RIMBP2: variants seen among roughly 807,000 people sequenced by gnomAD.
RIMBP2 encodes RIMS-binding protein 2.
A neutral mutation model predicts 118.6 loss-of-function variants in RIMBP2; 48 were observed. The ratio of observed to expected loss-of-function variants is 0.40; its 90% CI spans 0.32 to 0.51. RIMBP2 has a LOEUF of 0.51. Ranked by LOEUF, RIMBP2 falls within the 20% of genes least tolerant of loss-of-function variation. The pLI, the probability that RIMBP2 is intolerant of heterozygous loss-of-function variation, is 0.41. For synonymous variants in RIMBP2, 762 were observed against 742.9 expected (o/e 1.03, Z -0.42); for missense variants, 1,551 against 1,768.3 (o/e 0.88, Z 2.20).
At chr12:130,456,038 A>G (rs1188524650) in intron 7 of RIMBP2, among the ~76,000 whole-genome samples, 1 of 152,186 alleles carries the variant, frequency 6.6e-6, no homozygotes, top group Non-Finnish European at 1.5e-5. Context: ...ACGTCCCAAC[A>G]TCACCAACAA....
intron 6 of RIMBP2, among the ~76,000 whole-genome samples, chr12:130,461,043 C>T (rs1314402696): frequency 6.6e-6 from 1 of 152,118 alleles, no homozygotes; most frequent in Non-Finnish European, 1.5e-5. Flanking sequence ...GCCAGTGGTT[C>T]GCCATCCACA....
chr12:130,626,968 A>T (rs1484276926), intron 2 of RIMBP2, among the ~76,000 whole-genome samples: 1 of 151,368 alleles, frequency 6.6e-6, no homozygotes, highest in Non-Finnish European at 1.5e-5. Context: ...GACTACCGCC[A>T]GCATCACCAT....
intron 1 of RIMBP2, among the ~76,000 whole-genome samples, chr12:130,641,323 C>G (rs12299608): frequency 0.017 from 2,183 of 131,326 alleles, 4 homozygotes; most frequent in East Asian, 0.02. Context: ...GGCCCGGCAT[C>G]ACGGGCTGGA....
rs1354338343 is a variant in RIMBP2, at chr12:130,475,040, A to G, written c.102+3872T>C. On this transcript the variant is annotated intron_variant, in intron 5 of 22. Coordinates refer to ENST00000690449, the MANE Select transcript of RIMBP2 (RefSeq NM_001393629.1). The surrounding 1 kb of genome is among the most constrained non-coding windows in gnomAD (Gnocchi z 4.1). ...GGAGAGCCTGAGGTTACCAGCAGAC[A>G]GCGTGGGTCCTGGCTTGGCTGCCTT... 3.3e-5 allele frequency among the ~76,000 whole-genome samples: 5 copies of G among 152,196 alleles called. No homozygotes were observed. Among genetic ancestry groups the G allele is most frequent in the Non-Finnish European group, 7.3e-5 (5 of 68,028 alleles).
intron 2 of RIMBP2, among the ~76,000 whole-genome samples, chr12:130,592,429 A>C (rs1389764349): frequency 1.3e-5 from 2 of 152,080 alleles, no homozygotes; most frequent in East Asian, 1.9e-4. Context: ...AGTGGCTCAC[A>C]CCTGTAATCC....
intron 6 of RIMBP2, among the ~76,000 whole-genome samples, chr12:130,462,088 T>C (rs1441302095): frequency 6.6e-6 from 1 of 152,166 alleles, no homozygotes; most frequent in African/African-American, 2.4e-5. Flanking sequence ...CACGACAGCA[T>C]GGTGACACTC....
chr12:130,556,277 CAT>C (rs1373838202), intron 2 of RIMBP2, among the ~76,000 whole-genome samples: 3 of 152,348 alleles, frequency 2.0e-5, no homozygotes, highest in Admixed American at 6.5e-5. Flanking sequence ...ACCTTCCCCT[CAT>C]GTGGCCTGCA....
At chr12:130,526,935 G>C (rs987743683) in intron 2 of RIMBP2, among the ~76,000 whole-genome samples, 1 of 152,192 alleles carries the variant, frequency 6.6e-6, no homozygotes, top group African/African-American at 2.4e-5. Flanking sequence ...AAAGCCGCTG[G>C]TGGGAAGCCT....
At chr12:130,666,101 AT>A (rs1421998895) in intron 1 of RIMBP2, among the ~76,000 whole-genome samples, 1 of 152,134 alleles carries the variant, frequency 6.6e-6, no homozygotes, top group Admixed American at 6.5e-5. Flanking sequence ...ATCTCTGCAC[AT>A]TTTTTTGGTA....
At chr12:130,507,199 T>C (rs1194602930) in intron 3 of RIMBP2, among the ~76,000 whole-genome samples, 1 of 152,150 alleles carries the variant, frequency 6.6e-6, no homozygotes, top group East Asian at 1.9e-4. Flanking sequence ...GACAAACAGC[T>C]GGAACTACTG....
chr12:130,589,877 A>AT (rs1372327252), intron 2 of RIMBP2, among the ~76,000 whole-genome samples: 1 of 152,016 alleles, frequency 6.6e-6, no homozygotes, highest in Non-Finnish European at 1.5e-5. Flanking sequence ...TTACCAGGGG[A>AT]TTTTTTTAAA....
intron 1 of RIMBP2, among the ~76,000 whole-genome samples, chr12:130,694,800 A>G (rs1477859264): frequency 6.6e-6 from 1 of 152,172 alleles, no homozygotes; most frequent in Non-Finnish European, 1.5e-5. Flanking sequence ...TGGAGAGGGC[A>G]CACAAAGAAA....
chr12:130,437,229 G>A lies in RIMBP2; in HGVS notation c.1719C>T (p.Ser573=). ...GCACGGTCACGCCCTTGGCCTCCAG[G>A]CTCCGCAGCCGCACAAGCTCCACGG... is the stretch of plus-strand genomic sequence containing the variant. The part of the protein sequence containing the change: ...STAVELVRLR[S]LEAKGVTVRT... The change falls in exon 13 of 23, where the codon AGC becomes AGT. Residue 573 remains serine, a synonymous_variant. Transcript: ENST00000690449. The A allele has an allele frequency of 1.3e-6, 2 of 1,585,120 alleles. No homozygotes were observed. The highest frequency in any genetic ancestry group is 1.7e-6 in the Non-Finnish European group (2 of 1,170,950).
chr12:130,462,547 T>C (rs2138217), intron 6 of RIMBP2, among the ~76,000 whole-genome samples: 143,526 of 152,292 alleles, frequency 0.94, 68,228 homozygotes, highest in East Asian at 1. Context: ...TAGCACTGCC[T>C]CACCTTTGAA....
intron 1 of RIMBP2, among the ~76,000 whole-genome samples, chr12:130,664,564 C>G (rs1031424353): frequency 6.6e-6 from 1 of 151,636 alleles, no homozygotes; most frequent in Admixed American, 6.6e-5. Flanking sequence ...ACTCCTCACA[C>G]CCAGATCTTG....
At chr12:130,483,829 C>T (rs571197931) in intron 4 of RIMBP2, among the ~76,000 whole-genome samples, 1 of 147,610 alleles carries the variant, frequency 6.8e-6, no homozygotes, top group South Asian at 2.2e-4. Context: ...CCCGGAGCCC[C>T]GACCCTCACC....
chr12:130,397,768 G>A (rs953281979), intron 22 of RIMBP2: 5 of 357,406 alleles, frequency 1.4e-5, no homozygotes, highest in African/African-American at 8.4e-5. Context: ...TCTCTGTCTC[G>A]AGGGAGTGCG....
Position 130,469,769 on chromosome 12 carries a change from A to T in RIMBP2, c.153+924T>A, listed in dbSNP as rs1385841663. Reference sequence around the variant, plus strand: ...AGGACAAGGTCATTCTGAAGAGGGCAGCCTCATCCAATATTGGCCTCACTT... The same window carrying T: ...AGGACAAGGTCATTCTGAAGAGGGCTGCCTCATCCAATATTGGCCTCACTT... On this transcript the variant is annotated intron_variant, in intron 6 of 22. Coordinates refer to ENST00000690449, the MANE Select transcript of RIMBP2 (RefSeq NM_001393629.1). The surrounding 1 kb of genome is among the most constrained non-coding windows in gnomAD (Gnocchi z 4.8). Among the ~76,000 whole-genome samples the T allele has an allele frequency of 6.6e-6, 1 of 152,240 alleles. No homozygotes were observed. The highest frequency in any genetic ancestry group is 1.5e-5 in the Non-Finnish European group (1 of 68,042).
Position 130,511,704 on chromosome 12 carries a change from G to A in RIMBP2, c.-126-4934C>T, listed in dbSNP as rs999473813. The stretch of plus-strand genomic sequence containing the variant: ...ACACGGTTCTGATGAGCCTGGAGCA[G>A]AAATCTCTAGAGGACAATGACCTTT... On this transcript the variant is annotated intron_variant, in intron 3 of 22. Coordinates refer to ENST00000690449, the MANE Select transcript of RIMBP2 (RefSeq NM_001393629.1). This position sits in a 1 kb window ranked among gnomAD's most constrained non-coding sequence, Gnocchi z 4.3. Among the ~76,000 whole-genome samples the A allele has an allele frequency of 6.6e-6, 1 of 152,202 alleles. No individual in the cohort carries two copies. Among genetic ancestry groups the A allele is most frequent in the Non-Finnish European group, 1.5e-5 (1 of 68,040 alleles).
Sources: gnomAD v4.1 joint callset for allele counts (sites outside exome capture counted in the v4.1 genomes callset) on GRCh38, gnomAD v4.1.1 for gene constraint, Gnocchi (gnomAD v3.1) non-coding constraint, MANE v1.5 for transcripts, NCBI Gene and HGNC (gene_info 2026-07-23, HGNC 2026-07-21) for gene names.